The following CACNA2D2 variants were observed in gnomAD, a reference collection of about 807,000 sequenced individuals.
The protein encoded by CACNA2D2 is calcium voltage-gated channel auxiliary subunit alpha2delta 2, also known as voltage-dependent calcium channel subunit alpha-2/delta-2.
Under a neutral mutation model 166.4 loss-of-function variants are expected in CACNA2D2, and 48 were observed. The observed-to-expected ratio is 0.29, with a 90% confidence interval of 0.23 to 0.37. CACNA2D2 has a LOEUF of 0.37. Ranked by LOEUF, CACNA2D2 falls within the 10% of genes least tolerant of loss-of-function variation. CACNA2D2 has a pLI of 1.00. For synonymous variants in CACNA2D2, 561 were observed against 573.7 expected (o/e 0.98, Z 0.32); for missense variants, 1,122 against 1,433.0 (o/e 0.78, Z 3.50).
At chr3:50,482,226 T>TC (rs939319602) in intron 1 of CACNA2D2, among the ~76,000 whole-genome samples, 1 of 152,086 alleles carries the variant, frequency 6.6e-6, no homozygotes, top group Admixed American at 6.5e-5. Context: ...GGCTGGTCCC[T>TC]CCCCTAGGCC....
intron 22 of CACNA2D2, 79 bp downstream of exon 22, chr3:50,374,658 C>T: frequency 2.0e-6 from 3 of 1,503,314 alleles, no homozygotes; most frequent in Non-Finnish European, 1.8e-6. Flanking sequence ...GCAAGCGGCG[C>T]TGGCTATGCT....
chr3:50,453,957 G>A (rs752308228), intron 2 of CACNA2D2, among the ~76,000 whole-genome samples: 23 of 152,114 alleles, frequency 1.5e-4, no homozygotes, highest in Non-Finnish European at 2.4e-4. Flanking sequence ...TCCTGCATCT[G>A]TTCTGCCCTG....
At position 50,503,252 on chromosome 3, in the gene CACNA2D2, C is replaced by CG; in HGVS notation, c.171dup (p.Gly58ArgfsTer39). 1 of 1,192,844 alleles carries CG rather than the reference C, an allele frequency of 8.4e-7. No individual in the cohort carries two copies. The highest frequency in any genetic ancestry group is 1.0e-6 in the Non-Finnish European group (1 of 961,772). 73.9% of individuals were successfully genotyped at this position (1,192,844 alleles called of 1,614,324 possible). A position where few individuals can be genotyped will look rare whatever the true frequency, so the allele number is the denominator to read the frequency against. On this transcript the variant is annotated frameshift_variant, in exon 1 of 38. Coordinates refer to ENST00000424201, the MANE Select transcript of CACNA2D2 (RefSeq NM_006030.4). LOFTEE classifies it high-confidence loss of function. ...TGGGGGAAGCTGTAGGCAGAGGCGC[C>CG]GGGGGCGGCGAGCAGCGGTAGAAGC...
intron 1 of CACNA2D2, among the ~76,000 whole-genome samples, chr3:50,476,653 C>G (rs1268934407): frequency 6.6e-6 from 1 of 152,212 alleles, no homozygotes; most frequent in Admixed American, 6.5e-5. Flanking sequence ...GGACGGAACA[C>G]TGCTGTCACC....
chr3:50,463,301 TTC>T (rs1014776274), intron 2 of CACNA2D2, among the ~76,000 whole-genome samples: 16 of 150,820 alleles, frequency 1.1e-4, no homozygotes, highest in African/African-American at 2.9e-4. Flanking sequence ...AGCTCCAAAT[TTC>T]TCTTTTTTTT....
At chr3:50,452,205 AG>A (rs758272237) in intron 2 of CACNA2D2, among the ~76,000 whole-genome samples, 25 of 152,246 alleles carry the variant, frequency 1.6e-4, no homozygotes, top group Non-Finnish European at 3.2e-4. Context: ...GCCCACCTCC[AG>A]GGCTGTCTGT....
intron 2 of CACNA2D2, among the ~76,000 whole-genome samples, chr3:50,437,749 G>A (rs1281416722): frequency 6.6e-6 from 1 of 152,134 alleles, no homozygotes; most frequent in Non-Finnish European, 1.5e-5. Context: ...CAACTCCAGT[G>A]CACAGACTCT....
rs533475671 is a variant in CACNA2D2, at chr3:50,427,278, G to A, written c.405+7035C>T. Among the ~76,000 whole-genome samples, 4 of 152,260 alleles carry A rather than the reference G, an allele frequency of 2.6e-5. No individual in the cohort carries two copies. The highest frequency in any genetic ancestry group is 1.9e-4 in the East Asian group (1 of 5,172). ...TCTTTGGCTGCCTCCCTCTGTAGGC[G>A]GAGGGCCCCAAGGGTGCCCACACAA... On this transcript the variant is annotated intron_variant, in intron 3 of 37. Coordinates refer to ENST00000424201, the MANE Select transcript of CACNA2D2 (RefSeq NM_006030.4). The surrounding 1 kb of genome is among the most constrained non-coding windows in gnomAD (Gnocchi z 4.7).
At chr3:50,434,248 G>A in intron 3 of CACNA2D2, 65 bp downstream of exon 3, 1 of 1,120,302 alleles carries the variant, frequency 8.9e-7, no homozygotes. Context: ...TGCCCTCATG[G>A]TACAGGACCT....
At chr3:50,429,505 C>T (rs1410542668) in intron 3 of CACNA2D2, among the ~76,000 whole-genome samples, 1 of 149,454 alleles carries the variant, frequency 6.7e-6, no homozygotes, top group Non-Finnish European at 1.5e-5. Context: ...GTAATCCCAG[C>T]ACTTTGGGAG....
rs1357919851 is a variant in CACNA2D2 at position 50,367,366 on chromosome 3, C to A, written c.2401+28G>T. ...CAGGGAAGCTGAGGCTCCCTGCCTGCTGCTGGGCACACTGCGGGGACACTC... is the reference window on the plus strand; with the variant it reads ...CAGGGAAGCTGAGGCTCCCTGCCTGATGCTGGGCACACTGCGGGGACACTC... On this transcript the variant is annotated intron_variant, in intron 27 of 37. Transcript: ENST00000424201. The surrounding 1 kb of genome is among the most constrained non-coding windows in gnomAD (Gnocchi z 6.5). 1 of 1,594,470 alleles carries A rather than the reference C, an allele frequency of 6.3e-7. No individual in the cohort carries two copies. Among genetic ancestry groups the A allele is most frequent in the Non-Finnish European group, 8.6e-7 (1 of 1,162,944 alleles).
intron 2 of CACNA2D2, among the ~76,000 whole-genome samples, chr3:50,441,438 G>A (rs1708594364): frequency 1.3e-5 from 2 of 152,224 alleles, no homozygotes; most frequent in Admixed American, 1.3e-4. Context: ...TAAAATCCAT[G>A]TCATAAAAAG....
chr3:50,500,342 G>A (rs569593752), intron 1 of CACNA2D2, among the ~76,000 whole-genome samples: 83 of 152,270 alleles, frequency 5.5e-4, no homozygotes, highest in Non-Finnish European at 9.9e-4. Context: ...CAGCTCAGCC[G>A]GGTGCTCCAC....
intron 3 of CACNA2D2, among the ~76,000 whole-genome samples, chr3:50,429,434 AG>A (rs1707959835): frequency 6.6e-6 from 1 of 151,764 alleles, no homozygotes; most frequent in South Asian, 2.1e-4. Flanking sequence ...TGGGAAGTAA[AG>A]ATTTCGACCA....
chr3:50,467,430 G>A lies in CACNA2D2; in HGVS notation c.288+8688C>T, dbSNP rs141879175. Among the ~76,000 whole-genome samples the A allele has an allele frequency of 2.5e-3, 377 of 152,290 alleles. 2 individuals are homozygous for A. The highest frequency in any genetic ancestry group is 8.7e-3 in the African/African-American group (360 of 41,552). ...GGTCGAATGGGACAGAGTCAGAGCC[G>A]GGATCTGTCCCTTTTCAGTCCTCAG... On this transcript the variant is annotated intron_variant, in intron 2 of 37. Transcript: ENST00000424201.
chr3:50,474,670 T>C (rs536269495), intron 2 of CACNA2D2, among the ~76,000 whole-genome samples: 1 of 152,306 alleles, frequency 6.6e-6, no homozygotes, highest in African/African-American at 2.4e-5. Context: ...TGGTATAGCT[T>C]ATGTCCCGAT....
At chr3:50,462,549 G>A (rs1229501274) in intron 2 of CACNA2D2, among the ~76,000 whole-genome samples, 1 of 152,054 alleles carries the variant, frequency 6.6e-6, no homozygotes, top group Non-Finnish European at 1.5e-5. Flanking sequence ...TGCTGGGTCA[G>A]GGCAATGTCA....
chr3:50,497,825 A>C (rs1698785626), intron 1 of CACNA2D2, among the ~76,000 whole-genome samples: 1 of 152,190 alleles, frequency 6.6e-6, no homozygotes, highest in South Asian at 2.1e-4. Flanking sequence ...ACAAGAGAAG[A>C]AGGGAAGCAA....
chr3:50,438,185 G>C (rs1437919516), intron 2 of CACNA2D2, among the ~76,000 whole-genome samples: 1 of 152,206 alleles, frequency 6.6e-6, no homozygotes, highest in Non-Finnish European at 1.5e-5. Flanking sequence ...TCAGGAGTCT[G>C]TTTGGAGCCC....
Sources: gnomAD v4.1 joint callset for allele counts (sites outside exome capture counted in the v4.1 genomes callset) on GRCh38, gnomAD v4.1.1 for gene constraint, Gnocchi (gnomAD v3.1) non-coding constraint, MANE v1.5 for transcripts, NCBI Gene and HGNC (gene_info 2026-07-23, HGNC 2026-07-21) for gene names.